Variants in DNAH9 observed in about 807,000 individuals in gnomAD.
DNAH9 encodes dynein axonemal heavy chain 9, also known as DNAH9 variant protein.
Under a neutral mutation model 471.6 loss-of-function variants are expected in DNAH9, and 345 were observed. The observed-to-expected ratio is 0.73, with a 90% CI of 0.67 to 0.80. The LOEUF is 0.80. Ranked by LOEUF, DNAH9 falls within the 30% of genes least tolerant of loss-of-function variation. DNAH9 has a pLI of 0.00. For synonymous variants in DNAH9, 2,093 were observed against 2,123.6 expected (o/e 0.99, Z 0.40); for missense variants, 5,407 against 5,609.2 (o/e 0.96, Z 1.15).
At chr17:11,680,156 C>T (rs556488471) in intron 18 of DNAH9, among the ~76,000 whole-genome samples, 177 bp downstream of exon 18, 2 of 151,600 alleles carry the variant, frequency 1.3e-5, no homozygotes, top group East Asian at 3.9e-4. Flanking sequence ...AAACTCAGTA[C>T]ATATGGGAGA....
At chr17:11,751,833 C>G (rs1294887787) in intron 32 of DNAH9, among the ~76,000 whole-genome samples, 1 of 151,692 alleles carries the variant, frequency 6.6e-6, no homozygotes, top group African/African-American at 2.4e-5. Flanking sequence ...AACTTTATAC[C>G]TAGAAAATGT....
chr17:11,757,159 C>A (rs1372675976), intron 34 of DNAH9, among the ~76,000 whole-genome samples: 2 of 152,062 alleles, frequency 1.3e-5, no homozygotes, highest in African/African-American at 2.4e-5. Context: ...TTCACTTCTG[C>A]AGGATGAGTA....
chr17:11,678,564 G>A (rs2074084839), intron 17 of DNAH9, among the ~76,000 whole-genome samples: 1 of 152,156 alleles, frequency 6.6e-6, no homozygotes, highest in Admixed American at 6.5e-5. Flanking sequence ...TTCCATTTGT[G>A]TTGCCGAGTA....
intron 64 of DNAH9, among the ~76,000 whole-genome samples, chr17:11,933,410 C>T (rs548971564): frequency 4.6e-5 from 7 of 150,800 alleles, no homozygotes; most frequent in South Asian, 2.1e-4. Flanking sequence ...GATGGAGTTT[C>T]GCTCTTGTTG....
At chr17:11,732,755 G>C (rs563865080) in intron 28 of DNAH9, among the ~76,000 whole-genome samples, 1 of 151,944 alleles carries the variant, frequency 6.6e-6, no homozygotes, top group Non-Finnish European at 1.5e-5. Flanking sequence ...GGTTATCTGC[G>C]CCCGGGGACA....
chr17:11,742,301 TC>T lies in DNAH9; in HGVS notation c.6100del (p.Leu2034SerfsTer24). On this transcript the variant is annotated frameshift_variant, in exon 30 of 69. Coordinates refer to ENST00000262442, the MANE Select transcript of DNAH9 (RefSeq NM_001372.4). LOFTEE classifies it high-confidence loss of function. ...CTCTTTACCAGTTGTGCAAAGAGCT[TC>T]TCTCCAAACAGGTAGGATCTCTAGG... ...ITLYQLCKELLSKQDHYDWGL... is the reference protein window; with the variant it reads ...ITLYQLCKELXSKQDHYDWGL... The T allele has an allele frequency of 6.2e-7, 1 of 1,614,088 alleles. No individual in the cohort carries two copies.
intron 19 of DNAH9, among the ~76,000 whole-genome samples, chr17:11,681,199 CT>C (rs912850984): frequency 2.0e-5 from 3 of 152,110 alleles, no homozygotes; most frequent in African/African-American, 7.2e-5. Context: ...TTTACTAAAC[CT>C]TTAGCATTCT....
At chr17:11,942,885 G>A (rs1178594143) in intron 67 of DNAH9, among the ~76,000 whole-genome samples, 2 of 147,494 alleles carry the variant, frequency 1.4e-5, no homozygotes, top group African/African-American at 5.0e-5. Context: ...ATTTACATTG[G>A]CTTGTTTTTT....
chr17:11,769,368 G>C, intron 38 of DNAH9, 39 bp downstream of exon 38: 1 of 1,556,334 alleles, frequency 6.4e-7, no homozygotes, highest in Non-Finnish European at 8.7e-7. Flanking sequence ...GGGCATCTGG[G>C]TGGCCGTGTC....
chr17:11,909,975 G>A (rs570903382), intron 61 of DNAH9, among the ~76,000 whole-genome samples: 55 of 152,160 alleles, frequency 3.6e-4, no homozygotes, highest in African/African-American at 1.3e-3. Flanking sequence ...GCCTATTCTC[G>A]GCTGGGCGTG....
chr17:11,844,998 TC>T (rs1156439127), intron 49 of DNAH9, among the ~76,000 whole-genome samples: 1 of 150,934 alleles, frequency 6.6e-6, no homozygotes, highest in Non-Finnish European at 1.5e-5. Flanking sequence ...TTTTTTACCA[TC>T]TTTTTTTTTT....
intron 26 of DNAH9, among the ~76,000 whole-genome samples, chr17:11,708,002 C>G (rs62061779): frequency 0.011 from 552 of 49,608 alleles, no homozygotes; most frequent in Non-Finnish European, 0.019. Flanking sequence ...CACACACACA[C>G]ACACACACAC....
At chr17:11,625,577 T>C (rs2072954753) in intron 6 of DNAH9, among the ~76,000 whole-genome samples, 1 of 152,230 alleles carries the variant, frequency 6.6e-6, no homozygotes, top group African/African-American at 2.4e-5. Flanking sequence ...CCAAGGTTCT[T>C]CTTTTAAGAT....
At chr17:11,883,405 A>G (rs1972789022) in intron 55 of DNAH9, among the ~76,000 whole-genome samples, 181 bp from the exon 56 acceptor site, 1 of 152,158 alleles carries the variant, frequency 6.6e-6, no homozygotes, top group Non-Finnish European at 1.5e-5. Context: ...TGTGCCCAGA[A>G]TATTGTACAG....
chr17:11,895,460 T>C (rs1973191540), intron 59 of DNAH9, among the ~76,000 whole-genome samples: 1 of 152,264 alleles, frequency 6.6e-6, no homozygotes, highest in Admixed American at 6.5e-5. Context: ...TGATTGGCTT[T>C]CTTTCTCCTT....
intron 67 of DNAH9, among the ~76,000 whole-genome samples, chr17:11,943,102 G>T (rs1371226500): frequency 6.6e-6 from 1 of 151,632 alleles, no homozygotes; most frequent in Non-Finnish European, 1.5e-5. Flanking sequence ...CACCGTGTTA[G>T]CCAGGATGGT....
intron 19 of DNAH9, among the ~76,000 whole-genome samples, chr17:11,682,708 A>C (rs957965723): frequency 1.3e-5 from 2 of 152,178 alleles, no homozygotes; most frequent in African/African-American, 4.8e-5. Flanking sequence ...TGTGTCCTAT[A>C]TACTAATGAA....
intron 22 of DNAH9, 85 bp downstream of exon 22, chr17:11,694,532 T>G (rs1240148558): frequency 1.4e-6 from 2 of 1,470,216 alleles, no homozygotes; most frequent in East Asian, 4.5e-5. Context: ...CCATCATGCC[T>G]CTTCTCTCTG....
chr17:11,656,862 CT>C (rs1194146038), intron 14 of DNAH9, among the ~76,000 whole-genome samples: 1 of 152,030 alleles, frequency 6.6e-6, no homozygotes, highest in Non-Finnish European at 1.5e-5. Flanking sequence ...TTGTGTCTGC[CT>C]TTTTAAAACT....
Sources: allele counts gnomAD v4.1 joint callset (sites outside exome capture counted in the v4.1 genomes callset), GRCh38; gene constraint gnomAD v4.1.1; transcripts MANE v1.5; gene names NCBI Gene and HGNC (gene_info 2026-07-23, HGNC 2026-07-21).